The following FRAS1 variants were observed in gnomAD, a reference collection of about 807,000 sequenced individuals.
FRAS1 encodes the protein Fraser extracellular matrix complex subunit 1, also known as extracellular matrix organizing protein FRAS1.
In FRAS1, 290 loss-of-function variants were observed where a neutral mutation model predicts 435.2. That is an observed-to-expected ratio of 0.67 (90% confidence interval 0.61 to 0.73). The LOEUF (loss-of-function observed/expected upper bound fraction) is 0.73. FRAS1 is among the 30% of genes least tolerant of loss of function. FRAS1 has a pLI of 0.00. For synonymous variants in FRAS1, 1,800 were observed against 1,851.0 expected (o/e 0.97, Z 0.71); for missense variants, 4,860 against 5,001.5 (o/e 0.97, Z 0.85).
chr4:78,260,713 T>C (rs1160807482), intron 6 of FRAS1, among the ~76,000 whole-genome samples: 1 of 152,156 alleles, frequency 6.6e-6, no homozygotes, highest in Non-Finnish European at 1.5e-5. Flanking sequence ...CCTGCCTAAT[T>C]ACCCTGGCCA....
At chr4:78,491,171 T>G (rs1018292989) in intron 59 of FRAS1, among the ~76,000 whole-genome samples, 1 of 152,010 alleles carries the variant, frequency 6.6e-6, no homozygotes. Context: ...ATTAATAGCC[T>G]ACCAACCAAA....
At chr4:78,071,085 A>C (rs1249328716) in intron 2 of FRAS1, 2 of 152,266 alleles carry the variant, frequency 1.3e-5, no homozygotes, top group African/African-American at 2.4e-5. Flanking sequence ...AAATGCTGAC[A>C]AAGTGAATCA....
chr4:78,489,826 G>A (rs1720287678), intron 59 of FRAS1, among the ~76,000 whole-genome samples: 1 of 152,020 alleles, frequency 6.6e-6, no homozygotes, highest in South Asian at 2.1e-4. Flanking sequence ...CTGCACCCCT[G>A]TCCCAGGGAA....
intron 2 of FRAS1, among the ~76,000 whole-genome samples, chr4:78,144,008 A>G (rs1281433258): frequency 6.6e-6 from 1 of 151,900 alleles, no homozygotes; most frequent in Non-Finnish European, 1.5e-5. Context: ...ATTTCCAAAT[A>G]TTTTAGAAAA....
intron 14 of FRAS1, among the ~76,000 whole-genome samples, chr4:78,306,568 ATTC>A (rs1283791997): frequency 7.8e-6 from 1 of 128,700 alleles, no homozygotes; most frequent in Non-Finnish European, 1.7e-5. Context: ...ATTTCTTTTT[ATTC>A]TTTTTTCTCT....
Position 78,541,094 on chromosome 4 carries a change from C to CA in FRAS1, c.12011dup (p.Asn4004LysfsTer25). The CA allele has an allele frequency of 7.2e-7, 1 of 1,379,516 alleles. No homozygotes were observed. Among genetic ancestry groups the CA allele is most frequent in the Non-Finnish European group, 9.5e-7 (1 of 1,057,840 alleles). The allele number at this position is 1,379,516 out of a possible 1,614,324, so 85.5% of individuals were successfully genotyped here. A position where few individuals can be genotyped will look rare whatever the true frequency, so the allele number is the denominator to read the frequency against. ...GACTGAATCTAGAAGTCAGAGTTCA[C>CA]AACAATTTACAAGATGGAACAGAAG... On this transcript the variant is annotated frameshift_variant, in exon 74 of 74. Coordinates refer to ENST00000512123, the MANE Select transcript of FRAS1 (RefSeq NM_025074.7). LOFTEE classifies it high-confidence loss of function.
At chr4:78,519,948 A>C (rs17470609) in intron 67 of FRAS1, among the ~76,000 whole-genome samples, 21,223 of 152,238 alleles carry the variant, frequency 0.14, 1,782 homozygotes, top group Non-Finnish European at 0.2. Flanking sequence ...TCTGCTCTTT[A>C]ATTGCATCCT....
intron 2 of FRAS1, among the ~76,000 whole-genome samples, chr4:78,139,822 G>C (rs1720084421): frequency 6.6e-6 from 1 of 152,208 alleles, no homozygotes; most frequent in Non-Finnish European, 1.5e-5. Flanking sequence ...TTACCTGGTT[G>C]TCAGAAGTTA....
chr4:78,100,832 A>T (rs1164158048), intron 2 of FRAS1, among the ~76,000 whole-genome samples: 2 of 152,230 alleles, frequency 1.3e-5, no homozygotes, highest in African/African-American at 2.4e-5. Context: ...ACAATCAAGG[A>T]CTATGAGGCT....
chr4:78,432,466 A>G lies in FRAS1; in HGVS notation c.5079A>G (p.Thr1693=), dbSNP rs1734254355. Residue 1693 remains threonine, a synonymous_variant, in exon 38 of 74, where the codon ACA becomes ACG. Coordinates refer to ENST00000512123, the MANE Select transcript of FRAS1 (RefSeq NM_025074.7). ...SMEISVTDGL[T]VTMLEVRVEV... Reference sequence around the variant, plus strand: ...AGATCTCAGTCACAGATGGCCTCACAGTGACAATGCTGGAGGTGAGAGTAG... The same window carrying G: ...AGATCTCAGTCACAGATGGCCTCACGGTGACAATGCTGGAGGTGAGAGTAG... The G allele has an allele frequency of 1.9e-6, 3 of 1,613,416 alleles. No individual in the cohort carries two copies. Among genetic ancestry groups the G allele is most frequent in the Non-Finnish European group, 2.5e-6 (3 of 1,179,650 alleles).
Position 78,058,103 on chromosome 4 carries a change from CGTGTGTGTGT to C in FRAS1, c.76+26_76+35del. 6.5e-7 allele frequency: 1 copy of C among 1,528,910 alleles called. No homozygotes were observed. Among genetic ancestry groups the C allele is most frequent in the Non-Finnish European group, 9.0e-7 (1 of 1,112,914 alleles). The allele number at this position is 1,528,910 out of a possible 1,614,324, so 94.7% of individuals were successfully genotyped here. On this transcript the variant is annotated intron_variant, in intron 1 of 73. Coordinates refer to ENST00000512123, the MANE Select transcript of FRAS1 (RefSeq NM_025074.7). ...TTCCGAAGGTGAGAGAGCGGTGCCG[CGTGTGTGTGT>C]GTGTGTGCGTGTGCGTGTGTGTGTG...
intron 2 of FRAS1, among the ~76,000 whole-genome samples, chr4:78,157,687 A>G (rs1261483735): frequency 2.6e-5 from 4 of 152,094 alleles, no homozygotes; most frequent in Non-Finnish European, 4.4e-5. Flanking sequence ...TGAATTATTT[A>G]AGTTACTTAT....
At chr4:78,066,724 A>G (rs955866983) in intron 2 of FRAS1, among the ~76,000 whole-genome samples, 1 of 152,202 alleles carries the variant, frequency 6.6e-6, no homozygotes, top group African/African-American at 2.4e-5. Context: ...AAATGCTATA[A>G]TAAAACTGAA....
At chr4:78,123,809 A>G (rs1719174179) in intron 2 of FRAS1, among the ~76,000 whole-genome samples, 1 of 152,054 alleles carries the variant, frequency 6.6e-6, no homozygotes, top group Non-Finnish European at 1.5e-5. Flanking sequence ...AATGCTTGTG[A>G]TTTTTGCACA....
chr4:78,318,696 A>G (rs892347544), intron 17 of FRAS1, 114 bp from the exon 18 acceptor site: 38 of 976,766 alleles, frequency 3.9e-5, no homozygotes, highest in Non-Finnish European at 5.5e-5. Context: ...TAGAAAAATA[A>G]TATGCTGAAA....
At chr4:78,288,187 C>G (rs1727702050) in intron 14 of FRAS1, among the ~76,000 whole-genome samples, 1 of 152,178 alleles carries the variant, frequency 6.6e-6, no homozygotes, top group Middle Eastern at 3.2e-3. Flanking sequence ...TGGGAACATA[C>G]AAATACCTTT....
chr4:78,118,767 C>T (rs1026457382), intron 2 of FRAS1, among the ~76,000 whole-genome samples: 24 of 152,268 alleles, frequency 1.6e-4, no homozygotes, highest in South Asian at 1.5e-3. Context: ...TTGCCCTTCC[C>T]GGGTGAGGCA....
chr4:78,201,839 G>A (rs1450651431), intron 2 of FRAS1, among the ~76,000 whole-genome samples: 2 of 152,082 alleles, frequency 1.3e-5, no homozygotes, highest in African/African-American at 2.4e-5. Flanking sequence ...GTGTGAGTTG[G>A]GAGAAAAGGG....
intron 2 of FRAS1, among the ~76,000 whole-genome samples, chr4:78,088,176 G>A (rs1204777209): frequency 6.6e-6 from 1 of 152,178 alleles, no homozygotes; most frequent in Non-Finnish European, 1.5e-5. Flanking sequence ...AAGCAATGGG[G>A]AAAGGATTCC....
Sources: allele counts gnomAD v4.1 joint callset (sites outside exome capture counted in the v4.1 genomes callset), GRCh38; gene constraint gnomAD v4.1.1; transcripts MANE v1.5; gene names NCBI Gene and HGNC (gene_info 2026-07-23, HGNC 2026-07-21).